The following SEMA5A variants were observed in gnomAD, a reference collection of about 807,000 sequenced individuals.
SEMA5A encodes the protein semaphorin 5A, also known as semaphorin-5A.
Under a neutral mutation model 135.5 loss-of-function variants are expected in SEMA5A, and 55 were observed. The ratio of observed to expected loss-of-function variants is 0.41; its 90% CI spans 0.33 to 0.51. The LOEUF (loss-of-function observed/expected upper bound fraction) is 0.51. SEMA5A is among the 20% of genes least tolerant of loss of function. SEMA5A has a pLI of 0.37. For missense variants in SEMA5A, 1,290 were observed against 1,419.9 expected, an observed-to-expected ratio of 0.91 and a Z score of 1.47; for synonymous variants, 580 against 546.5, an observed-to-expected ratio of 1.06 and a Z score of -0.85.
At chr5:9,131,890 A>G (rs17238371) in intron 13 of SEMA5A, among the ~76,000 whole-genome samples, 11,747 of 152,154 alleles carry the variant, frequency 0.077, 483 homozygotes, top group South Asian at 0.15. Flanking sequence ...GTCATCATGT[A>G]TCCACAAAGG....
chr5:9,382,725 T>G (rs1333840127), intron 2 of SEMA5A, among the ~76,000 whole-genome samples: 1 of 152,150 alleles, frequency 6.6e-6, no homozygotes, highest in East Asian at 1.9e-4. Flanking sequence ...GCTCTATGCA[T>G]GTATGAATTT....
intron 5 of SEMA5A, among the ~76,000 whole-genome samples, chr5:9,314,845 C>T (rs1438984551): frequency 6.6e-6 from 1 of 152,080 alleles, no homozygotes; most frequent in African/African-American, 2.4e-5. Context: ...TGACCTCTAT[C>T]ATTAGAGCCG....
At chr5:9,048,131 G>A (rs1736371642) in intron 21 of SEMA5A, among the ~76,000 whole-genome samples, 1 of 152,182 alleles carries the variant, frequency 6.6e-6, no homozygotes, top group Non-Finnish European at 1.5e-5. Flanking sequence ...GACCCAGGCA[G>A]CAGACAGTCC....
Position 9,150,802 on chromosome 5 carries a change from A to G in SEMA5A, c.1481+3686T>C, listed in dbSNP as rs114824893. 3.5e-3 allele frequency among the ~76,000 whole-genome samples: 537 copies of G among 152,320 alleles called. 2 individuals carry two copies. Among genetic ancestry groups the G allele is most frequent in the African/African-American group, 0.012 (518 of 41,576 alleles). Reference sequence around the variant, plus strand: ...TGGCAAGCAGAATGAGGAAGAGGCTAACGGGAAGGGGGTTGAGCCTCTCTC... The same window carrying G: ...TGGCAAGCAGAATGAGGAAGAGGCTGACGGGAAGGGGGTTGAGCCTCTCTC... On this transcript the variant is annotated intron_variant, in intron 12 of 22. Transcript: ENST00000382496.
At chr5:9,182,841 AG>A (rs1269743296) in intron 11 of SEMA5A, among the ~76,000 whole-genome samples, 1 of 152,040 alleles carries the variant, frequency 6.6e-6, no homozygotes, top group Non-Finnish European at 1.5e-5. Flanking sequence ...TTAATTCTCC[AG>A]GATGTATAGA....
intron 4 of SEMA5A, among the ~76,000 whole-genome samples, chr5:9,330,421 TTTTG>T (rs1475248661): frequency 4.7e-5 from 7 of 149,404 alleles, no homozygotes; most frequent in Non-Finnish European, 1.0e-4. Flanking sequence ...GATTAGTTTT[TTTTG>T]TTTTTGTTTT....
chr5:9,357,199 A>C (rs1391533894), intron 3 of SEMA5A, among the ~76,000 whole-genome samples: 1 of 152,088 alleles, frequency 6.6e-6, no homozygotes, highest in East Asian at 1.9e-4. Flanking sequence ...TTATAATTCT[A>C]TTTTTGATAT....
At chr5:9,233,838 C>T (rs564518572) in intron 6 of SEMA5A, among the ~76,000 whole-genome samples, 15 of 152,246 alleles carry the variant, frequency 9.9e-5, no homozygotes, top group East Asian at 1.9e-4. Flanking sequence ...CAGCCACCTC[C>T]TTCCATGCAT....
intron 16 of SEMA5A, among the ~76,000 whole-genome samples, chr5:9,076,877 T>C (rs1475088496): frequency 9.4e-6 from 1 of 106,418 alleles, no homozygotes; most frequent in Non-Finnish European, 2.1e-5. Context: ...TTTGTGTGTG[T>C]GTGTGTGTGT....
intron 1 of SEMA5A, among the ~76,000 whole-genome samples, chr5:9,486,911 ATTG>A (rs2126791077): frequency 6.6e-6 from 1 of 152,272 alleles, no homozygotes; most frequent in East Asian, 1.9e-4. Context: ...CAAAAGAAAA[ATTG>A]TTGTGATTTT....
At chr5:9,324,360 G>T (rs1051055589) in intron 4 of SEMA5A, among the ~76,000 whole-genome samples, 6 of 152,172 alleles carry the variant, frequency 3.9e-5, no homozygotes, top group Admixed American at 2.0e-4. Flanking sequence ...GAGCCACCGT[G>T]CCTGGCCTAA....
chr5:9,425,203 T>C (rs562823494), intron 2 of SEMA5A, among the ~76,000 whole-genome samples: 1 of 28,780 alleles, frequency 3.5e-5, no homozygotes, highest in Non-Finnish European at 9.2e-5. Flanking sequence ...CTGAATTCTT[T>C]GCATAGCACT....
At chr5:9,237,779 G>C in intron 6 of SEMA5A, 49 bp downstream of exon 6, 1 of 1,530,058 alleles carries the variant, frequency 6.5e-7, no homozygotes, top group Non-Finnish European at 9.1e-7. Context: ...ATATAGTGTA[G>C]AGTCCTTCAA....
intron 16 of SEMA5A, among the ~76,000 whole-genome samples, chr5:9,068,699 A>C (rs575665864): frequency 1.5e-4 from 23 of 152,272 alleles, no homozygotes; most frequent in Non-Finnish European, 2.6e-4. Flanking sequence ...CACTAACAAA[A>C]AAAATGGGGC....
intron 2 of SEMA5A, among the ~76,000 whole-genome samples, chr5:9,402,576 T>G (rs1354088626): frequency 6.6e-6 from 1 of 152,236 alleles, no homozygotes; most frequent in Non-Finnish European, 1.5e-5. Context: ...GTCAAGGTTT[T>G]GGGGTTTTGA....
chr5:9,365,839 C>G (rs931582447), intron 3 of SEMA5A, among the ~76,000 whole-genome samples: 6 of 152,170 alleles, frequency 3.9e-5, no homozygotes, highest in Admixed American at 6.5e-5. Flanking sequence ...TGTCTCTGAA[C>G]ACTGCCAGCA....
At chr5:9,503,053 A>G (rs1001481106) in intron 1 of SEMA5A, among the ~76,000 whole-genome samples, 2 of 152,202 alleles carry the variant, frequency 1.3e-5, no homozygotes, top group Non-Finnish European at 2.9e-5. Flanking sequence ...GAATACATGA[A>G]TAACTGGGAT....
At chr5:9,182,437 A>C (rs141749949) in intron 11 of SEMA5A, among the ~76,000 whole-genome samples, 42 of 152,232 alleles carry the variant, frequency 2.8e-4, no homozygotes, top group Admixed American at 1.2e-3. Flanking sequence ...TCACTTCTAC[A>C]AGAAGACTTC....
chr5:9,096,269 A>T (rs1739306387), intron 16 of SEMA5A, among the ~76,000 whole-genome samples: 1 of 152,164 alleles, frequency 6.6e-6, no homozygotes, highest in Non-Finnish European at 1.5e-5. Flanking sequence ...TCCTAATGTT[A>T]TACGTTAGGT....
Sources: allele counts gnomAD v4.1 joint callset (sites outside exome capture counted in the v4.1 genomes callset), GRCh38; gene constraint gnomAD v4.1.1; transcripts MANE v1.5; gene names NCBI Gene and HGNC (gene_info 2026-07-23, HGNC 2026-07-21).